SGCD: variants seen among roughly 807,000 people sequenced by gnomAD.
The protein encoded by SGCD is sarcoglycan delta.
A neutral mutation model predicts 36.6 loss-of-function variants in SGCD; 18 were observed. That is an observed-to-expected ratio of 0.49 (90% CI 0.34 to 0.73). The LOEUF (loss-of-function observed/expected upper bound fraction) is 0.73, where lower values mean the gene tolerates loss of function less well. Among genes scored for constraint, SGCD ranks in the 30% least tolerant of loss-of-function variants. The probability of loss-of-function intolerance (pLI) is 0.01; values close to 1 mark genes in which losing one functional copy is unlikely to be tolerated. For missense variants in SGCD, 387 were observed against 346.7 expected, an observed-to-expected ratio of 1.12 and a Z score of -0.92; for synonymous variants, 133 against 130.6, an observed-to-expected ratio of 1.02 and a Z score of -0.12.
At chr5:156,628,107 G>A (rs1031775173) in intron 6 of SGCD, among the ~76,000 whole-genome samples, 2 of 152,230 alleles carry the variant, frequency 1.3e-5, no homozygotes, top group East Asian at 3.9e-4. Flanking sequence ...ACATCCCATG[G>A]CAAAAGCAGG....
the SGCD span, among the ~76,000 whole-genome samples, chr5:155,751,234 G>A: frequency 6.6e-6 from 1 of 152,140 alleles, no homozygotes; most frequent in Admixed American, 6.5e-5. Flanking sequence ...AAAAGTATTG[G>A]CTATCAGGAG....
chr5:156,713,335 CAG>C (rs1283894162), intron 7 of SGCD, among the ~76,000 whole-genome samples: 1 of 150,588 alleles, frequency 6.6e-6, no homozygotes, highest in Non-Finnish European at 1.5e-5. Flanking sequence ...GAGTGAGACT[CAG>C]AAGAGGGGCT....
At chr5:156,759,100 C>T (rs1757444521) in intron 8 of SGCD, 117 bp from the exon 9 acceptor site, 7 of 760,464 alleles carry the variant, frequency 9.2e-6, no homozygotes, top group Admixed American at 6.3e-5. Context: ...ATAATCAACA[C>T]ATAGTAGGTG....
At chr5:155,886,631 A>G (rs1389956226) in intron 1 of SGCD, among the ~76,000 whole-genome samples, 2 of 152,224 alleles carry the variant, frequency 1.3e-5, no homozygotes, top group Non-Finnish European at 2.9e-5. Context: ...AAAACAGTTC[A>G]GATACCAGAG....
chr5:156,484,480 C>A (rs553372554), intron 3 of SGCD, among the ~76,000 whole-genome samples: 16 of 152,280 alleles, frequency 1.1e-4, no homozygotes, highest in African/African-American at 3.9e-4. Flanking sequence ...GCTGCTACTG[C>A]AATACTCTGT....
chr5:156,652,735 C>T (rs1308380426), intron 7 of SGCD, among the ~76,000 whole-genome samples: 3 of 151,874 alleles, frequency 2.0e-5, no homozygotes, highest in East Asian at 1.9e-4. Context: ...ACAGATGGCT[C>T]TTATATTTGG....
chr5:156,339,936 A>G (rs1231238925), intron 2 of SGCD, among the ~76,000 whole-genome samples: 1 of 152,228 alleles, frequency 6.6e-6, no homozygotes, highest in Non-Finnish European at 1.5e-5. Context: ...GTCTCTTCAT[A>G]TGACAGCTAT....
the SGCD span, among the ~76,000 whole-genome samples, chr5:155,856,370 T>C: frequency 6.6e-6 from 1 of 152,200 alleles, no homozygotes; most frequent in Non-Finnish European, 1.5e-5. Context: ...AATAGTAAGA[T>C]GGCAGATTTA....
chr5:156,320,839 C>T (rs1767644757), intron 3 of SGCD, among the ~76,000 whole-genome samples: 1 of 152,204 alleles, frequency 6.6e-6, no homozygotes, highest in Non-Finnish European at 1.5e-5. Context: ...AGAAATGTCT[C>T]TTCAAAGTCA....
intron 1 of SGCD, among the ~76,000 whole-genome samples, chr5:156,071,306 G>T (rs1273948569): frequency 6.6e-6 from 1 of 152,150 alleles, no homozygotes; most frequent in African/African-American, 2.4e-5. Flanking sequence ...CTTTGAATGT[G>T]TCCCAGAGAT....
At chr5:156,123,580 C>G (rs1244284121) in intron 2 of SGCD, among the ~76,000 whole-genome samples, 1 of 152,122 alleles carries the variant, frequency 6.6e-6, no homozygotes, top group Non-Finnish European at 1.5e-5. Flanking sequence ...CTTTTGCTCT[C>G]CCATCCTCAG....
intron 7 of SGCD, among the ~76,000 whole-genome samples, chr5:156,726,626 C>A (rs573497530): frequency 1.3e-5 from 2 of 152,342 alleles, no homozygotes; most frequent in East Asian, 1.9e-4. Context: ...TATGCTCCTT[C>A]AGCCTGACGA....
intron 3 of SGCD, among the ~76,000 whole-genome samples, chr5:156,395,213 A>G (rs549963410): frequency 6.6e-6 from 1 of 152,358 alleles, no homozygotes; most frequent in African/African-American, 2.4e-5. Context: ...ATAATGGACA[A>G]AAGGGAAGAC....
chr5:156,757,529 AT>A lies in SGCD; in HGVS notation c.576-49del, dbSNP rs2113176562. The A allele has an allele frequency of 5.2e-6, 6 of 1,156,518 alleles. No individual in the cohort carries two copies. The South Asian group carries it at 8.9e-5, about 17-fold the overall frequency. The allele number at this position is 1,156,518 out of a possible 1,614,324, so 71.6% of individuals were successfully genotyped here. A position where few individuals can be genotyped will look rare whatever the true frequency, so the allele number is the denominator to read the frequency against. On this transcript the variant is annotated intron_variant, in intron 7 of 8. Coordinates refer to ENST00000337851, the MANE Select transcript of SGCD (RefSeq NM_000337.6). The stretch of plus-strand genomic sequence containing the variant: ...TCCTTGAGCATGAACTTCCTTTTGT[AT>A]TTATTAAAAAGAAAAAGGGATCTTT...
At chr5:156,478,580 T>C (rs72801114) in intron 3 of SGCD, among the ~76,000 whole-genome samples, 236 of 152,132 alleles carry the variant, frequency 1.6e-3, no homozygotes, top group Non-Finnish European at 2.6e-3. Context: ...CATTCTCCAG[T>C]TGACTTTTTT....
At chr5:155,966,935 A>ATG (rs145801010) in intron 1 of SGCD, among the ~76,000 whole-genome samples, 42,354 of 148,136 alleles carry the variant, frequency 0.29, 6,182 homozygotes, top group South Asian at 0.38. Flanking sequence ...ATAGGTTTTC[A>ATG]TGTGTGTGTG....
rs774348978 is a variant in SGCD at position 156,611,633 on chromosome 5, G to A, written c.502+16582G>A. On this transcript the variant is annotated intron_variant, in intron 6 of 8. Transcript: ENST00000337851. The stretch of plus-strand genomic sequence containing the variant: ...TTTTGCTTCCTGGATCTTTGTAGAC[G>A]TGGCGAGTTTTCAGCTATTATTTTG... Among the ~76,000 whole-genome samples the A allele has an allele frequency of 5.8e-4, 88 of 152,132 alleles. 1 individual carries two copies. Among genetic ancestry groups the A allele is most frequent in the Admixed American group, 2.9e-3 (45 of 15,278 alleles).
chr5:156,199,547 G>A (rs55650714), intron 3 of SGCD, among the ~76,000 whole-genome samples: 2,390 of 152,182 alleles, frequency 0.016, 23 homozygotes, highest in Non-Finnish European at 0.025. Context: ...AGGAAAAAGG[G>A]ACACTGAGAT....
intron 4 of SGCD, among the ~76,000 whole-genome samples, chr5:156,536,589 GTGTT>G (rs111527710): frequency 0.16 from 24,316 of 151,430 alleles, 2,026 homozygotes; most frequent in Admixed American, 0.18. Context: ...AAGCTTTGAG[GTGTT>G]TGTTTGTTTG....
Sources: gnomAD v4.1 joint callset for allele counts (sites outside exome capture counted in the v4.1 genomes callset) on GRCh38, gnomAD v4.1.1 for gene constraint, MANE v1.5 for transcripts, NCBI Gene and HGNC (gene_info 2026-07-23, HGNC 2026-07-21) for gene names.